HIVEP3: variants seen among roughly 807,000 people sequenced by gnomAD.
HIVEP3 encodes transcription factor HIVEP3.
In HIVEP3, 49 loss-of-function variants were observed where a neutral mutation model predicts 152.8. That is an observed-to-expected ratio of 0.32 (90% CI 0.26 to 0.41). The LOEUF (loss-of-function observed/expected upper bound fraction) is 0.41. Ranked by LOEUF, HIVEP3 falls within the 10% of genes least tolerant of loss-of-function variation. HIVEP3 has a pLI of 1.00. For missense variants in HIVEP3, 2,790 were observed against 3,103.3 expected (o/e 0.90, Z 2.40); for synonymous variants, 1,269 against 1,289.0 (o/e 0.98, Z 0.33).
At chr1:41,850,484 A>G (rs1291531036) in intron 1 of HIVEP3, among the ~76,000 whole-genome samples, 1 of 152,226 alleles carries the variant, frequency 6.6e-6, no homozygotes, top group African/African-American at 2.4e-5. Flanking sequence ...GAAACAATCA[A>G]TAGAACCCAA....
chr1:41,592,802 C>T (rs1293210339), intron 3 of HIVEP3, among the ~76,000 whole-genome samples: 2 of 152,204 alleles, frequency 1.3e-5, no homozygotes, highest in Admixed American at 6.5e-5. Flanking sequence ...TCAGGGTATC[C>T]CACAGCATTG....
At chr1:41,779,316 G>A (rs1023902925) in intron 1 of HIVEP3, among the ~76,000 whole-genome samples, 8 of 152,212 alleles carry the variant, frequency 5.3e-5, no homozygotes. Context: ...CCCTACTTGG[G>A]GAAGCCTGGG....
intron 3 of HIVEP3, among the ~76,000 whole-genome samples, chr1:41,599,653 TC>T (rs1644717377): frequency 1.3e-5 from 2 of 152,166 alleles, no homozygotes; most frequent in South Asian, 2.1e-4. Context: ...GGAAGAAGCT[TC>T]ATCACATTGG....
At chr1:41,704,177 T>C (rs1381249815) in intron 1 of HIVEP3, among the ~76,000 whole-genome samples, 1 of 152,204 alleles carries the variant, frequency 6.6e-6, no homozygotes, top group Non-Finnish European at 1.5e-5. Context: ...GCTTACAGGA[T>C]CAACAGCAGC....
intron 1 of HIVEP3, among the ~76,000 whole-genome samples, chr1:41,745,240 G>A (rs1471823403): frequency 6.6e-6 from 1 of 152,200 alleles, no homozygotes; most frequent in African/African-American, 2.4e-5. Flanking sequence ...GGCAGGTGGA[G>A]CACAGGAGGT....
intron 2 of HIVEP3, among the ~76,000 whole-genome samples, chr1:41,639,235 T>A (rs531823809): frequency 3.0e-4 from 45 of 152,312 alleles, no homozygotes; most frequent in South Asian, 2.1e-3. Flanking sequence ...TATGGAATAA[T>A]CCTGGTGGTT....
At chr1:42,016,952 T>A (rs766434209) in intron 1 of HIVEP3, among the ~76,000 whole-genome samples, 13 of 152,176 alleles carry the variant, frequency 8.5e-5, no homozygotes, top group Non-Finnish European at 1.8e-4. Context: ...AGTATGCACA[T>A]TTTAAAGTCC....
At chr1:41,675,732 C>T (rs551872918) in intron 2 of HIVEP3, among the ~76,000 whole-genome samples, 1 of 152,320 alleles carries the variant, frequency 6.6e-6, no homozygotes, top group Non-Finnish European at 1.5e-5. Flanking sequence ...GGAGAGTTTA[C>T]CACTCATCGT....
chr1:41,622,672 G>A (rs534310531), intron 3 of HIVEP3, among the ~76,000 whole-genome samples: 3 of 152,322 alleles, frequency 2.0e-5, no homozygotes, highest in East Asian at 3.9e-4. Flanking sequence ...TGCCATAGAC[G>A]CTGGAAGCTA....
chr1:41,803,859 C>A (rs894287076), intron 1 of HIVEP3, among the ~76,000 whole-genome samples: 4 of 152,176 alleles, frequency 2.6e-5, no homozygotes, highest in Non-Finnish European at 5.9e-5. Flanking sequence ...TGTGCACATC[C>A]TGGGCACTGG....
rs369043645 is a variant in HIVEP3 at position 41,513,723 on chromosome 1, G to C, written c.5498C>G (p.Ser1833Trp). 1 of 1,587,676 alleles carries C rather than the reference G, an allele frequency of 6.3e-7. No homozygotes were observed. Among genetic ancestry groups the C allele is most frequent in the East Asian group, 2.2e-5 (1 of 44,704 alleles). ...AGCCTCTGAACCCTCTCGTCCTTCC[G>C]AGTCCTGGAACAGGTCGTCACTGGT... ...EGTSDDLFQD[S>W]EGREGSEAVE... The change falls in exon 8 of 9, where the codon TCG becomes TGG. Residue 1833 changes from serine (S) to tryptophan (W), a missense_variant. By Grantham distance (177) the Ser-to-Trp change is radical. Around this residue, in one of 9 missense-constraint regions of HIVEP3, gnomAD observed 816 missense variants for 806.5 expected, o/e 1.01. Transcript: ENST00000372583.
intron 1 of HIVEP3, among the ~76,000 whole-genome samples, chr1:41,725,778 G>A (rs1166792701): frequency 6.6e-6 from 1 of 152,182 alleles, no homozygotes; most frequent in Non-Finnish European, 1.5e-5. Context: ...TGCAGATGAG[G>A]ACATAGTGGC....
At chr1:41,731,334 C>A (rs1646836345) in intron 1 of HIVEP3, among the ~76,000 whole-genome samples, 1 of 152,100 alleles carries the variant, frequency 6.6e-6, no homozygotes, top group African/African-American at 2.4e-5. Context: ...ACCCCAGGGC[C>A]CCAGTAAGCC....
At chr1:41,693,569 C>T (rs995206654) in intron 2 of HIVEP3, among the ~76,000 whole-genome samples, 3 of 152,160 alleles carry the variant, frequency 2.0e-5, no homozygotes, top group South Asian at 2.1e-4. Flanking sequence ...AACCTTTTAC[C>T]CATCATGCCT....
intron 3 of HIVEP3, among the ~76,000 whole-genome samples, chr1:41,586,777 A>G (rs970003170): frequency 4.6e-5 from 7 of 152,216 alleles, no homozygotes; most frequent in African/African-American, 1.7e-4. Context: ...GCTAAAAAGC[A>G]TATCCTCTAA....
chr1:41,653,953 CAAAAAAAAAAAAAA>C (rs55707109), intron 2 of HIVEP3, among the ~76,000 whole-genome samples: 15 of 46,194 alleles, frequency 3.2e-4, no homozygotes, highest in Non-Finnish European at 4.1e-4. Flanking sequence ...TTTTCTACTG[CAAAAAAAAAAAAAA>C]AAAAAAAAAA....
rs145998615 is a variant in HIVEP3 at position 41,811,697 on chromosome 1, G to A, written c.-801+106716C>T. On this transcript the variant is annotated intron_variant, in intron 1 of 8. Transcript: ENST00000372583. ...CTGAGCTTGGAGCACCACGGGGAGGGGGTGGGGAAAGGCGAAACGTCAGGA... is the reference window on the plus strand; with the variant it reads ...CTGAGCTTGGAGCACCACGGGGAGGAGGTGGGGAAAGGCGAAACGTCAGGA... Among the ~76,000 whole-genome samples, 432 of 152,002 alleles carry A rather than the reference G, an allele frequency of 2.8e-3. 1 individual carries two copies. The highest frequency in any genetic ancestry group is 4.6e-3 in the Non-Finnish European group (312 of 67,992).
At chr1:41,684,573 T>C (rs941685688) in intron 2 of HIVEP3, among the ~76,000 whole-genome samples, 4 of 152,332 alleles carry the variant, frequency 2.6e-5, no homozygotes, top group Admixed American at 2.6e-4. Flanking sequence ...TCATGTTTAA[T>C]AGCTGGGCTC....
rs527713587 is a variant in HIVEP3 at position 41,529,676 on chromosome 1, CCA to C, written c.5208-4768_5208-4767del. ...CTCACGCCCCTACACACTCCCACAA[CCA>C]CACTTGCATCTCCACTTGAATACTC... On this transcript the variant is annotated intron_variant, in intron 5 of 8. Coordinates refer to ENST00000372583, the MANE Select transcript of HIVEP3 (RefSeq NM_024503.5). 2.7e-5 allele frequency among the ~76,000 whole-genome samples: 4 copies of C among 145,712 alleles called. No homozygotes were observed. In the South Asian group the frequency reaches 6.7e-4, roughly 24 times the overall value.
Sources: allele counts gnomAD v4.1 joint callset (sites outside exome capture counted in the v4.1 genomes callset), GRCh38; gene constraint gnomAD v4.1.1; regional missense constraint gnomAD v4.1.1; transcripts MANE v1.5; gene names NCBI Gene and HGNC (gene_info 2026-07-23, HGNC 2026-07-21).